The following DBH variants were observed in gnomAD, a reference collection of about 807,000 sequenced individuals.
The protein encoded by DBH is dopamine beta-hydroxylase (dopamine beta-monooxygenase).
In DBH, 49 loss-of-function variants were observed where a neutral mutation model predicts 64.0. The ratio of observed to expected loss-of-function variants is 0.77; its 90% CI spans 0.61 to 0.97. The LOEUF (loss-of-function observed/expected upper bound fraction) is 0.97. DBH is among the 50% of genes least tolerant of loss of function. The pLI is 0.00. For missense variants in DBH, 828 were observed against 826.6 expected, an observed-to-expected ratio of 1.00 and a Z score of -0.02; for synonymous variants, 343 against 347.1, an observed-to-expected ratio of 0.99 and a Z score of 0.13.
At position 133,652,118 on chromosome 9, in the gene DBH, T is replaced by C. The variant is rs538298201; in HGVS notation, c.1336-128T>C. 2.5e-5 allele frequency: 26 copies of C among 1,058,294 alleles called. No individual in the cohort carries two copies. In the African/African-American group the frequency reaches 2.9e-4, roughly 12 times the overall value. The allele number at this position is 1,058,294 out of a possible 1,614,324, so 65.6% of individuals were successfully genotyped here. ...ACTTAGCGGGCTCTGGCTTCCACTG[T>C]AGAGGCTGGGGCAAAATGGACACCC... is the stretch of plus-strand genomic sequence containing the variant. On this transcript the variant is annotated intron_variant, in intron 7 of 11. Transcript: ENST00000393056.
Position 133,636,619 on chromosome 9 carries a change from C to T in DBH, c.248C>T (p.Ala83Val). Residue 83 changes from alanine to valine, a missense_variant, in exon 1 of 12, where the codon GCT (alanine) becomes GTT (valine). Transcript: ENST00000393056. The stretch of plus-strand genomic sequence containing the variant: ...CAGCTCCTGGTGCGGAGGCTCAAGG[C>T]TGGCGTCCTGTTTGGGATGTCCGAC... ...HFQLLVRRLK[A>V]GVLFGMSDRG... is the part of the protein sequence containing the mutation. 1 of 1,613,574 alleles carries T rather than the reference C, an allele frequency of 6.2e-7. No individual in the cohort carries two copies.
At chr9:133,656,148 A>G (rs1047171436) in intron 9 of DBH, 5 of 335,110 alleles carry the variant, frequency 1.5e-5, no homozygotes, top group Non-Finnish European at 2.9e-5. Flanking sequence ...AATGGCCGGG[A>G]CGCTGGGTGC....
At chr9:133,639,639 T>G (rs1005409029) in intron 1 of DBH, among the ~76,000 whole-genome samples, 11 of 152,156 alleles carry the variant, frequency 7.2e-5, no homozygotes, top group Non-Finnish European at 2.9e-5. Context: ...GGGGCTCATC[T>G]CCACTGTCTC....
At chr9:133,640,819 C>T (rs955268683) in intron 2 of DBH, among the ~76,000 whole-genome samples, 6 of 152,226 alleles carry the variant, frequency 3.9e-5, no homozygotes, top group Admixed American at 3.9e-4. Context: ...TGGGTTTGGT[C>T]AGGAGGCAGA....
chr9:133,642,458 T>C lies in DBH; in HGVS notation c.738T>C (p.Ile246=). Residue 246 remains isoleucine (I), a synonymous_variant, in exon 3 of 12, where the codon ATT becomes ATC. Coordinates refer to ENST00000393056, the MANE Select transcript of DBH (RefSeq NM_000787.4). ...ELPKGFSRHH[I]IKYEPIVTKG... is the part of the protein sequence containing the mutation. ...CAAAGGGCTTCTCTCGGCACCACAT[T>C]ATCAAGGTACGTGCGGGTCCAGGGC... 3 of 1,609,222 alleles carry C rather than the reference T, an allele frequency of 1.9e-6. No homozygotes were observed. Among genetic ancestry groups the C allele is most frequent in the Non-Finnish European group, 2.5e-6 (3 of 1,177,912 alleles).
chr9:133,641,352 C>T (rs1035578133), intron 2 of DBH, among the ~76,000 whole-genome samples: 13 of 152,098 alleles, frequency 8.5e-5, no homozygotes, highest in Admixed American at 3.3e-4. Flanking sequence ...TCCCAGTGGA[C>T]GAGGCAAGGG....
At chr9:133,652,856 T>G (rs574842023) in intron 8 of DBH, 84 bp from the exon 9 acceptor site, 23 of 909,094 alleles carry the variant, frequency 2.5e-5, no homozygotes, top group Middle Eastern at 2.9e-4. Flanking sequence ...GCATGCACAG[T>G]GGCGTGGTCC....
chr9:133,646,479 G>A (rs1832183045), intron 5 of DBH, among the ~76,000 whole-genome samples: 1 of 152,182 alleles, frequency 6.6e-6, no homozygotes, highest in African/African-American at 2.4e-5. Context: ...CTACCTGGAT[G>A]ACACCTGGTT....
intron 6 of DBH, among the ~76,000 whole-genome samples, chr9:133,648,758 T>C (rs1832212457): frequency 6.6e-6 from 1 of 152,250 alleles, no homozygotes; most frequent in African/African-American, 2.4e-5. Flanking sequence ...AGAGAGTGAC[T>C]ACTAAAATCT....
Position 133,658,814 on chromosome 9 carries a change from C to T in DBH, c.*367C>T, listed in dbSNP as rs547486591. On this transcript the variant is annotated 3_prime_UTR_variant, in exon 12 of 12. Coordinates refer to ENST00000393056, the MANE Select transcript of DBH (RefSeq NM_000787.4). Reference sequence around the variant, plus strand: ...TTCTGGGACAGGCACCATGCTGGGCCGGGGTGTGGAATCACCGGGAACGCC... The same window carrying T: ...TTCTGGGACAGGCACCATGCTGGGCTGGGGTGTGGAATCACCGGGAACGCC... 3.0e-5 allele frequency: 5 copies of T among 167,414 alleles called. No individual in the cohort carries two copies. The highest frequency in any genetic ancestry group is 1.3e-4 in the Admixed American group (2 of 15,670). 10.4% of individuals were successfully genotyped at this position (167,414 alleles called of 1,614,324 possible). A position where few individuals can be genotyped will look rare whatever the true frequency, so the allele number is the denominator to read the frequency against.
At chr9:133,653,536 A>G (rs1832276643) in intron 9 of DBH, among the ~76,000 whole-genome samples, 1 of 151,866 alleles carries the variant, frequency 6.6e-6, no homozygotes. Context: ...CCCAGGGGAG[A>G]GGGGAGGAGG....
In DBH at chr9:133,642,219, C is replaced by G. The variant is rs778261007; in HGVS notation, c.499C>G (p.His167Asp). ...GTCTCGGCTGCAGGACGGCACTGTCCACTTGGTCTACGGGATCCTGGAGGA... is the reference window on the plus strand; with the variant it reads ...GTCTCGGCTGCAGGACGGCACTGTCGACTTGGTCTACGGGATCCTGGAGGA... ...KDYLIEDGTV[H>D]LVYGILEEPF... The change falls in exon 3 of 12, where the codon CAC becomes GAC. Residue 167 changes from histidine (H) to aspartate (D), a missense_variant. His to Asp is a moderately conservative substitution (Grantham distance 81). Coordinates refer to ENST00000393056, the MANE Select transcript of DBH (RefSeq NM_000787.4). 2 of 1,613,480 alleles carry G rather than the reference C, an allele frequency of 1.2e-6. No homozygotes were observed. The highest frequency in any genetic ancestry group is 1.7e-6 in the Non-Finnish European group (2 of 1,179,986).
Position 133,656,574 on chromosome 9 carries a change from C to G in DBH, c.1486C>G (p.Pro496Ala). The G allele has an allele frequency of 6.2e-7, 1 of 1,613,898 alleles. No individual in the cohort carries two copies. The highest frequency in any genetic ancestry group is 8.5e-7 in the Non-Finnish European group (1 of 1,180,018). ...GTGTGTCAACTACGTGCACTACTAC[C>G]CCCAGACGCAGCTGGAGCTCTGCAA... ...EMCVNYVHYYPQTQLELCKSA... is the reference protein window; with the variant it reads ...EMCVNYVHYYAQTQLELCKSA... Residue 496 changes from proline (P) to alanine (A), a missense_variant, in exon 10 of 12, where the codon CCC (proline) becomes GCC (alanine). Coordinates refer to ENST00000393056, the MANE Select transcript of DBH (RefSeq NM_000787.4).
intron 6 of DBH, 135 bp downstream of exon 6, chr9:133,648,147 C>A: frequency 9.4e-7 from 1 of 1,060,510 alleles, no homozygotes; most frequent in Non-Finnish European, 1.4e-6. Context: ...CTGCGGTCCT[C>A]CCTCTTTTCT....
rs1340811393 is a variant in DBH, at chr9:133,656,651, G to C, written c.1562+1G>C. Reference sequence around the variant, plus strand: ...AGAAGTACTTCCACCTCATCAACAGGTGAGGGCTCCCTGCACAAGCTCCCT... The same window carrying C: ...AGAAGTACTTCCACCTCATCAACAGCTGAGGGCTCCCTGCACAAGCTCCCT... On this transcript the variant is annotated splice_donor_variant, in intron 10 of 11. Transcript: ENST00000393056. LOFTEE classifies it high-confidence loss of function. 3 of 1,611,916 alleles carry C rather than the reference G, an allele frequency of 1.9e-6. No homozygotes were observed. Among genetic ancestry groups the C allele is most frequent in the East Asian group, 4.5e-5 (2 of 44,876 alleles).
At chr9:133,637,096 G>A (rs1832062605) in intron 1 of DBH, among the ~76,000 whole-genome samples, 2 of 152,188 alleles carry the variant, frequency 1.3e-5, no homozygotes, top group African/African-American at 4.8e-5. Context: ...CGTCCCCAGA[G>A]CACACATGCC....
chr9:133,636,861 C>A lies in DBH; in HGVS notation c.339+151C>A, dbSNP rs1171205241. The A allele has an allele frequency of 6.3e-6, 5 of 791,770 alleles. No homozygotes were observed. In the East Asian group the frequency reaches 1.3e-4, roughly 21 times the overall value. The allele number at this position is 791,770 out of a possible 1,614,324, so 49.0% of individuals were successfully genotyped here. On this transcript the variant is annotated intron_variant, in intron 1 of 11. Coordinates refer to ENST00000393056, the MANE Select transcript of DBH (RefSeq NM_000787.4). ...CTCTGCTCTGAGCCAAGTCTGCACC[C>A]CGAGCTTGGGCATCATGGGGATCTC...
intron 5 of DBH, 93 bp downstream of exon 5, chr9:133,644,413 G>T: frequency 9.9e-7 from 1 of 1,006,502 alleles, no homozygotes; most frequent in Non-Finnish European, 1.6e-6. Flanking sequence ...GCCCAGCATG[G>T]TGCCCCCGCT....
chr9:133,652,699 C>G (rs1832265482), intron 8 of DBH, among the ~76,000 whole-genome samples: 1 of 152,186 alleles, frequency 6.6e-6, no homozygotes, highest in Non-Finnish European at 1.5e-5. Flanking sequence ...CCCCACTGGC[C>G]TGGGCCCTGG....
Sources: gnomAD v4.1 joint callset for allele counts (sites outside exome capture counted in the v4.1 genomes callset) on GRCh38, gnomAD v4.1.1 for gene constraint, MANE v1.5 for transcripts, NCBI Gene and HGNC (gene_info 2026-07-23, HGNC 2026-07-21) for gene names.